Variants in SUGCT observed in about 807,000 individuals in gnomAD.
SUGCT encodes succinyl-CoA:glutarate-CoA transferase.
SUGCT carries 41 observed loss-of-function variants against 55.0 expected under a neutral mutation model. The ratio of observed to expected loss-of-function variants is 0.74; its 90% CI spans 0.58 to 0.97. The LOEUF is 0.97. SUGCT is among the 50% of genes least tolerant of loss of function. The pLI, the probability that SUGCT is intolerant of heterozygous loss-of-function variation, is 0.00. For synonymous variants in SUGCT, 187 were observed against 200.4 expected (o/e 0.93, Z 0.56); for missense variants, 568 against 547.8 (o/e 1.04, Z -0.37).
chr7:40,503,142 G>T (rs964217871), intron 12 of SUGCT, among the ~76,000 whole-genome samples: 1 of 151,970 alleles, frequency 6.6e-6, no homozygotes. Flanking sequence ...AGAAAAATCC[G>T]AGGCCTAGAT....
chr7:40,678,510 G>A (rs1784104043), intron 12 of SUGCT, among the ~76,000 whole-genome samples: 1 of 152,094 alleles, frequency 6.6e-6, no homozygotes, highest in Non-Finnish European at 1.5e-5. Flanking sequence ...AGTACACAGT[G>A]GGGTGTGAAT....
chr7:40,329,122 G>T (rs1444752200), intron 9 of SUGCT, among the ~76,000 whole-genome samples: 1 of 152,136 alleles, frequency 6.6e-6, no homozygotes, highest in Admixed American at 6.5e-5. Context: ...ATTCTGAGTA[G>T]CTGTGCTTAG....
At chr7:41,034,794 G>A in the SUGCT span, among the ~76,000 whole-genome samples, 27 of 152,288 alleles carry the variant, frequency 1.8e-4, no homozygotes, top group African/African-American at 6.3e-4. Context: ...GCCTCTGAGT[G>A]GAGGTATTTG....
At chr7:40,861,018 TA>T (rs1381359547), downstream of SUGCT, among the ~76,000 whole-genome samples, 1 of 152,230 alleles carries the variant, frequency 6.6e-6, no homozygotes, top group Admixed American at 6.5e-5. Context: ...GTCTCTAATT[TA>T]AACCATAGAC....
At chr7:40,390,440 C>G (rs1039885764) in intron 9 of SUGCT, among the ~76,000 whole-genome samples, 1 of 152,176 alleles carries the variant, frequency 6.6e-6, no homozygotes, top group African/African-American at 2.4e-5. Flanking sequence ...AGCAAAGTCT[C>G]AGGATACAAA....
the SUGCT span, among the ~76,000 whole-genome samples, chr7:40,885,298 C>T: frequency 1.3e-5 from 2 of 152,144 alleles, no homozygotes; most frequent in Non-Finnish European, 2.9e-5. Flanking sequence ...GTTTGTTGGC[C>T]TCACCGCTCT....
At chr7:40,984,774 TTTTGTTTG>T in the SUGCT span, among the ~76,000 whole-genome samples, 1 of 152,310 alleles carries the variant, frequency 6.6e-6, no homozygotes, top group South Asian at 2.1e-4. Flanking sequence ...TGATGCTGTT[TTTTGTTTG>T]TTTGTTTGTT....
At chr7:40,657,738 G>C (rs1393334181) in intron 12 of SUGCT, among the ~76,000 whole-genome samples, 2 of 152,214 alleles carry the variant, frequency 1.3e-5, no homozygotes, top group Non-Finnish European at 2.9e-5. Flanking sequence ...GTTTCGCCAT[G>C]TTGGCCACGC....
intron 12 of SUGCT, among the ~76,000 whole-genome samples, chr7:40,619,914 C>G (rs1799186421): frequency 6.6e-6 from 1 of 152,184 alleles, no homozygotes; most frequent in African/African-American, 2.4e-5. Flanking sequence ...CACTTTGACT[C>G]TGACTTCACA....
intron 9 of SUGCT, among the ~76,000 whole-genome samples, chr7:40,438,919 C>T (rs1788318005): frequency 6.7e-6 from 1 of 150,268 alleles, no homozygotes; most frequent in Admixed American, 6.7e-5. Flanking sequence ...TGAGGAGTTC[C>T]TTTCTTGTGG....
chr7:40,266,064 A>G (rs1332581898), intron 7 of SUGCT, among the ~76,000 whole-genome samples: 7 of 152,190 alleles, frequency 4.6e-5, no homozygotes, highest in African/African-American at 9.6e-5. Context: ...AAGAAAAACC[A>G]CTAAACCATT....
chr7:40,291,060 C>A (rs939715980), intron 8 of SUGCT, among the ~76,000 whole-genome samples: 3 of 152,084 alleles, frequency 2.0e-5, no homozygotes, highest in Non-Finnish European at 4.4e-5. Flanking sequence ...GTTGGTGGGA[C>A]TGTAAACTAG....
Position 40,742,955 on chromosome 7 carries a change from G to A in SUGCT, c.1090-6479G>A, listed in dbSNP as rs1043192931. 4.6e-5 allele frequency among the ~76,000 whole-genome samples: 7 copies of A among 152,154 alleles called. No homozygotes were observed. In the East Asian group the frequency reaches 5.8e-4, roughly 13 times the overall value. ...TTTTTTGCTTAGTAAGATATTGTGT[G>A]TTTTAAAAATGGTTTTCTGAGTATT... On this transcript the variant is annotated intron_variant, in intron 12 of 13. Coordinates refer to ENST00000335693, the MANE Select transcript of SUGCT (RefSeq NM_001193313.2).
At chr7:40,860,911 A>G (rs1794472072), downstream of SUGCT, 1 of 152,166 alleles carries the variant, frequency 6.6e-6, no homozygotes, top group South Asian at 2.1e-4. Flanking sequence ...CTGCATTTAA[A>G]TTTGTGTTAG....
the SUGCT span, among the ~76,000 whole-genome samples, chr7:41,029,800 G>A: frequency 6.6e-6 from 1 of 152,058 alleles, no homozygotes; most frequent in African/African-American, 2.4e-5. Flanking sequence ...CACTCTTTGT[G>A]CTGTATATTC....
intron 13 of SUGCT, among the ~76,000 whole-genome samples, chr7:40,753,509 A>G (rs1788116833): frequency 6.6e-6 from 1 of 152,192 alleles, no homozygotes; most frequent in African/African-American, 2.4e-5. Context: ...TATTAGCATT[A>G]TTAGCATTAC....
intron 13 of SUGCT, among the ~76,000 whole-genome samples, chr7:40,843,704 G>A (rs1362760977): frequency 6.6e-6 from 1 of 152,074 alleles, no homozygotes; most frequent in Non-Finnish European, 1.5e-5. Context: ...CTGAGCCAGA[G>A]GGAGCAGTGC....
At chr7:40,875,953 T>G in the SUGCT span, among the ~76,000 whole-genome samples, 1 of 152,196 alleles carries the variant, frequency 6.6e-6, no homozygotes. Flanking sequence ...GCCACCATTA[T>G]GTGACCAAGA....
intron 13 of SUGCT, among the ~76,000 whole-genome samples, chr7:40,777,254 C>T (rs1203117138): frequency 6.6e-6 from 1 of 152,146 alleles, no homozygotes; most frequent in East Asian, 1.9e-4. Context: ...TTTGATCCTA[C>T]TTGCTTTTTT....
Sources: gnomAD v4.1 joint callset for allele counts (sites outside exome capture counted in the v4.1 genomes callset) on GRCh38, gnomAD v4.1.1 for gene constraint, MANE v1.5 for transcripts, NCBI Gene and HGNC (gene_info 2026-07-23, HGNC 2026-07-21) for gene names.